The following AXDND1 variants were observed in gnomAD, a reference collection of about 807,000 sequenced individuals.
AXDND1 encodes the protein axonemal dynein light chain domain-containing protein 1.
AXDND1 carries 110 observed loss-of-function variants against 137.5 expected under a neutral mutation model. The observed-to-expected ratio is 0.80, with a 90% CI of 0.69 to 0.94. The LOEUF (loss-of-function observed/expected upper bound fraction) is 0.94, where lower values mean the gene tolerates loss of function less well. Ranked by LOEUF, AXDND1 falls within the 40% of genes least tolerant of loss-of-function variation. The pLI, the probability that AXDND1 is intolerant of heterozygous loss-of-function variation, is 0.00. For synonymous variants in AXDND1, 414 were observed against 399.7 expected (o/e 1.04, Z -0.43); for missense variants, 1,191 against 1,169.8 (o/e 1.02, Z -0.26).
chr1:179,533,878 G>T lies in AXDND1; in HGVS notation c.2798+1G>T, dbSNP rs1242393187. The T allele has an allele frequency of 6.2e-7, 1 of 1,610,390 alleles. No homozygotes were observed. Among genetic ancestry groups the T allele is most frequent in the Non-Finnish European group, 8.5e-7 (1 of 1,177,142 alleles). ...TTGAACATATGCAGGAGAAGTTACT[G>T]TAAGTATGAGTCAACACAATGGTAA... On this transcript the variant is annotated splice_donor_variant, in intron 24 of 25. Coordinates refer to ENST00000367618, the MANE Select transcript of AXDND1 (RefSeq NM_144696.6). LOFTEE classifies it high-confidence loss of function.
rs938413082 is a variant in AXDND1, at chr1:179,542,034, C to T, written c.3031+7072C>T. 9.9e-5 allele frequency among the ~76,000 whole-genome samples: 15 copies of T among 152,138 alleles called. 1 individual carries two copies. The highest frequency in any genetic ancestry group is 1.6e-4 in the Non-Finnish European group (11 of 68,020). On this transcript the variant is annotated intron_variant, in intron 25 of 25. Transcript: ENST00000367618. ...AGAAATATGCCCAAATATTCACAGA[C>T]ATTGTCTCTGGGTAATAGAGGTTTG...
chr1:179,484,195 A>G (rs34495117), intron 18 of AXDND1, among the ~76,000 whole-genome samples: 28,169 of 152,070 alleles, frequency 0.19, 3,180 homozygotes, highest in Middle Eastern at 0.25. Flanking sequence ...ATATCCCAGG[A>G]CCCCCACAGT....
intron 4 of AXDND1, among the ~76,000 whole-genome samples, chr1:179,378,248 A>T (rs756584820): frequency 3.3e-5 from 5 of 152,138 alleles, no homozygotes; most frequent in Non-Finnish European, 5.9e-5. Flanking sequence ...AAGGGGAAAA[A>T]GTTTATTATA....
intron 20 of AXDND1, among the ~76,000 whole-genome samples, chr1:179,502,439 C>A (rs4491029): frequency 1.3e-5 from 2 of 151,422 alleles, no homozygotes; most frequent in Non-Finnish European, 2.9e-5. Context: ...TGGCACGCAC[C>A]GGCAGTCCCA....
chr1:179,441,414 C>T (rs4651031), intron 15 of AXDND1, among the ~76,000 whole-genome samples: 98,594 of 152,112 alleles, frequency 0.65, 32,286 homozygotes, highest in Middle Eastern at 0.7. Flanking sequence ...TGTGCTAACA[C>T]TGCAGAGCAA....
At chr1:179,489,216 C>A (rs1261149021) in intron 18 of AXDND1, among the ~76,000 whole-genome samples, 1 of 152,012 alleles carries the variant, frequency 6.6e-6, no homozygotes, top group Non-Finnish European at 1.5e-5. Context: ...ATTATATTCA[C>A]TTTCCATCTC....
At chr1:179,553,762 T>A (rs906248897) in intron 25 of AXDND1, among the ~76,000 whole-genome samples, 1 of 152,180 alleles carries the variant, frequency 6.6e-6, no homozygotes, top group East Asian at 1.9e-4. Context: ...TTTTTCTTTC[T>A]TTGAGACAGA....
intron 17 of AXDND1, among the ~76,000 whole-genome samples, chr1:179,473,285 G>T (rs1664186411): frequency 6.6e-6 from 1 of 152,012 alleles, no homozygotes; most frequent in South Asian, 2.1e-4. Context: ...ATCACCTGAG[G>T]TCAGGAGTTC....
In AXDND1 at chr1:179,430,570, T is replaced by C; in HGVS notation, c.1451T>C (p.Val484Ala). 1 of 1,613,794 alleles carries C rather than the reference T, an allele frequency of 6.2e-7. No individual in the cohort carries two copies. ...TCTACAAGCGAGACACTGAAAATTG[T>C]TAAGGATGGGCTTATCAAATGGCAG... is the stretch of plus-strand genomic sequence containing the variant. ...EESTSETLKI[V>A]KDGLIKWQEF... The change falls in exon 14 of 26, where the codon GTT becomes GCT. Residue 484 changes from valine to alanine, a missense_variant. By Grantham distance (64) the Val-to-Ala change is moderately conservative. Coordinates refer to ENST00000367618, the MANE Select transcript of AXDND1 (RefSeq NM_144696.6).
At chr1:179,442,749 T>G (rs1659171533) in intron 15 of AXDND1, among the ~76,000 whole-genome samples, 1 of 152,202 alleles carries the variant, frequency 6.6e-6, no homozygotes, top group African/African-American at 2.4e-5. Flanking sequence ...TTGTCAATTT[T>G]AGTTCCTCTG....
intron 16 of AXDND1, among the ~76,000 whole-genome samples, chr1:179,466,173 C>A (rs1157048383): frequency 6.6e-6 from 1 of 152,120 alleles, no homozygotes; most frequent in Non-Finnish European, 1.5e-5. Context: ...GTTGGAAATT[C>A]AGAAATCACC....
rs936085483 is a variant in AXDND1, at chr1:179,479,039, G to A, written c.1998-4089G>A. Among the ~76,000 whole-genome samples the A allele has an allele frequency of 6.6e-5, 10 of 152,200 alleles. 1 individual carries two copies. Among genetic ancestry groups the A allele is most frequent in the Admixed American group, 5.9e-4 (9 of 15,294 alleles). On this transcript the variant is annotated intron_variant, in intron 17 of 25. Coordinates refer to ENST00000367618, the MANE Select transcript of AXDND1 (RefSeq NM_144696.6). Reference sequence around the variant, plus strand: ...CGCTTGAACCTGGGAGGTAGAGGCTGCAGTGAGCCAAGATCAAACCACTGC... The same window carrying A: ...CGCTTGAACCTGGGAGGTAGAGGCTACAGTGAGCCAAGATCAAACCACTGC...
chr1:179,516,545 C>T (rs1669557830), intron 21 of AXDND1, among the ~76,000 whole-genome samples: 1 of 152,102 alleles, frequency 6.6e-6, no homozygotes, highest in Non-Finnish European at 1.5e-5. Flanking sequence ...TGTCATAGTA[C>T]CAGAGTTGGT....
At chr1:179,376,565 G>A (rs1310890464) in intron 4 of AXDND1, among the ~76,000 whole-genome samples, 1 of 152,108 alleles carries the variant, frequency 6.6e-6, no homozygotes. Flanking sequence ...ACACTTTTCG[G>A]TTGCTTACCT....
chr1:179,418,983 G>A (rs1476427686), intron 12 of AXDND1, among the ~76,000 whole-genome samples: 7 of 151,596 alleles, frequency 4.6e-5, no homozygotes, highest in African/African-American at 9.7e-5. Flanking sequence ...CAGACGAGGC[G>A]GCGGGGCAGA....
At chr1:179,485,169 C>T (rs2125549631) in intron 18 of AXDND1, among the ~76,000 whole-genome samples, 1 of 152,326 alleles carries the variant, frequency 6.6e-6, no homozygotes, top group Admixed American at 6.5e-5. Flanking sequence ...CTCATTAGTG[C>T]CCCACCACAG....
At position 179,474,783 on chromosome 1, in the gene AXDND1, G is replaced by A. The variant is rs1664402789; in HGVS notation, c.1997+6142G>A. Among the ~76,000 whole-genome samples, 3 of 150,312 alleles carry A rather than the reference G, an allele frequency of 2.0e-5. No individual in the cohort carries two copies. The South Asian group carries it at 6.2e-4, about 31-fold the overall frequency. The stretch of plus-strand genomic sequence containing the variant: ...AATAAAGACAGCTGCAGAAATTTGT[G>A]TAAGTAATGAGAAACTGAGTGTTCA... On this transcript the variant is annotated intron_variant, in intron 17 of 25. Coordinates refer to ENST00000367618, the MANE Select transcript of AXDND1 (RefSeq NM_144696.6).
intron 18 of AXDND1, among the ~76,000 whole-genome samples, chr1:179,490,159 C>T (rs767152829): frequency 3.3e-5 from 5 of 152,016 alleles, no homozygotes; most frequent in Non-Finnish European, 7.4e-5. Context: ...GTCTTACAGA[C>T]AGGTTAATTG....
chr1:179,529,185 T>G (rs528546558), intron 23 of AXDND1, among the ~76,000 whole-genome samples: 5 of 152,294 alleles, frequency 3.3e-5, no homozygotes, highest in Admixed American at 3.3e-4. Context: ...ACACTGTGAC[T>G]TTAAGAGTTT....
Sources: gnomAD v4.1 joint callset for allele counts (sites outside exome capture counted in the v4.1 genomes callset) on GRCh38, gnomAD v4.1.1 for gene constraint, MANE v1.5 for transcripts, NCBI Gene and HGNC (gene_info 2026-07-23, HGNC 2026-07-21) for gene names.